ZNF487: variants seen among roughly 807,000 people sequenced by gnomAD.
The protein encoded by ZNF487 is zinc finger protein 487, also known as KRAB domain only 1.
ZNF487 carries 4 observed loss-of-function variants against 3.0 expected under a neutral mutation model. The observed-to-expected ratio is 1.35, with a 90% CI of 0.66 to 3.08. The LOEUF (loss-of-function observed/expected upper bound fraction) is 3.08, where lower values mean the gene tolerates loss of function less well. ZNF487 is among the 30% of genes most tolerant of loss of function. The pLI is 0.01. For missense variants in ZNF487, 146 were observed against 98.7 expected (o/e 1.48, Z -2.03); for synonymous variants, 55 against 34.6 (o/e 1.59, Z -2.06).
intron 1 of ZNF487, among the ~76,000 whole-genome samples, chr10:43,449,515 G>C (rs1839933273): frequency 6.6e-6 from 1 of 152,034 alleles, no homozygotes; most frequent in South Asian, 2.1e-4. Context: ...AAGTAACCAA[G>C]GAAGAGTTAA....
the ZNF487 span, among the ~76,000 whole-genome samples, chr10:43,503,751 C>G: frequency 6.6e-6 from 1 of 152,110 alleles, no homozygotes; most frequent in Non-Finnish European, 1.5e-5. Context: ...GACTACAAGG[C>G]ATGCACCACC....
intron 1 of ZNF487, among the ~76,000 whole-genome samples, chr10:43,447,735 C>T (rs1026690164): frequency 3.9e-5 from 6 of 152,178 alleles, no homozygotes; most frequent in Non-Finnish European, 7.3e-5. Context: ...CTGGGGTTTT[C>T]TCTCCATGCA....
intron 3 of ZNF487, among the ~76,000 whole-genome samples, chr10:43,480,044 TTTTTC>T (rs1175781644): frequency 8.0e-5 from 2 of 24,940 alleles, no homozygotes; most frequent in African/African-American, 1.3e-4. Context: ...TCTTTCTTTC[TTTTTC>T]TTTCTTTCTT....
At chr10:43,517,700 A>G in the ZNF487 span, among the ~76,000 whole-genome samples, 1 of 152,198 alleles carries the variant, frequency 6.6e-6, no homozygotes, top group Admixed American at 6.5e-5. Context: ...TCACAGAAGC[A>G]GGGCGCTGCA....
chr10:43,437,805 C>T (rs1200743906), intron 1 of ZNF487, among the ~76,000 whole-genome samples: 1 of 151,748 alleles, frequency 6.6e-6, no homozygotes, highest in Non-Finnish European at 1.5e-5. Flanking sequence ...CTGTGTTCTT[C>T]CTTCATTAGC....
chr10:43,492,681 C>T, the ZNF487 span, among the ~76,000 whole-genome samples: 2 of 152,258 alleles, frequency 1.3e-5, no homozygotes, highest in Non-Finnish European at 2.9e-5. Flanking sequence ...TTTCGATTTC[C>T]TGACCTCGTG....
At chr10:43,472,575 G>C (rs910018715) in intron 1 of ZNF487, among the ~76,000 whole-genome samples, 1 of 152,142 alleles carries the variant, frequency 6.6e-6, no homozygotes, top group Non-Finnish European at 1.5e-5. Context: ...GGAAGAGTCA[G>C]GTTGCTAAGC....
At chr10:43,501,289 A>T in the ZNF487 span, among the ~76,000 whole-genome samples, 2 of 152,206 alleles carry the variant, frequency 1.3e-5, no homozygotes, top group Non-Finnish European at 2.9e-5. Flanking sequence ...TGCATGAGTC[A>T]GTGGGTGAGT....
At chr10:43,448,038 G>A (rs1244913689) in intron 1 of ZNF487, among the ~76,000 whole-genome samples, 1 of 129,688 alleles carries the variant, frequency 7.7e-6, no homozygotes, top group African/African-American at 2.9e-5. Flanking sequence ...CGCCCAGGCT[G>A]GAGTGCAGTG....
chr10:43,466,280 G>A (rs1363585619), intron 1 of ZNF487, among the ~76,000 whole-genome samples: 1 of 152,012 alleles, frequency 6.6e-6, no homozygotes. Flanking sequence ...CTGATCTCAG[G>A]TGATCTACCC....
At chr10:43,457,596 C>G (rs1443876239) in intron 1 of ZNF487, among the ~76,000 whole-genome samples, 1 of 148,158 alleles carries the variant, frequency 6.7e-6, no homozygotes, top group Non-Finnish European at 1.5e-5. Context: ...AAGAATTCCT[C>G]ATGAGATCGC....
the ZNF487 span, among the ~76,000 whole-genome samples, chr10:43,497,696 G>A: frequency 7.8e-4 from 118 of 152,152 alleles, no homozygotes; most frequent in African/African-American, 2.8e-3. Flanking sequence ...GGCTGGGCGC[G>A]GTGGCTCACG....
At chr10:43,519,218 ACT>A in the ZNF487 span, among the ~76,000 whole-genome samples, 17 of 151,420 alleles carry the variant, frequency 1.1e-4, no homozygotes, top group South Asian at 3.1e-3. Context: ...ACATTATCAC[ACT>A]CTTACTGTTG....
chr10:43,459,921 C>A (rs994047453), intron 1 of ZNF487, among the ~76,000 whole-genome samples: 1 of 151,652 alleles, frequency 6.6e-6, no homozygotes, highest in Non-Finnish European at 1.5e-5. Context: ...CCTGCCTCAG[C>A]CTCCCGAGTA....
chr10:43,482,538 C>A lies in ZNF487; in HGVS notation c.*616C>A. Reference sequence around the variant, plus strand: ...AAAAAACTTCTGTGAGAAGTCAAATCTTCATGTACATCAGAGAACACACAC... The same window carrying A: ...AAAAAACTTCTGTGAGAAGTCAAATATTCATGTACATCAGAGAACACACAC... On this transcript the variant is annotated 3_prime_UTR_variant, in exon 4 of 4. Transcript: ENST00000437590. The A allele has an allele frequency of 2.0e-6, 1 of 500,126 alleles. No homozygotes were observed. Among genetic ancestry groups the A allele is most frequent in the East Asian group, 5.8e-5 (1 of 17,106 alleles). 31.0% of individuals were successfully genotyped at this position (500,126 alleles called of 1,614,324 possible).
At position 43,482,886 on chromosome 10, in the gene ZNF487, C is replaced by T; in HGVS notation, c.*964C>T. 1 of 532,902 alleles carries T rather than the reference C, an allele frequency of 1.9e-6. No homozygotes were observed. The highest frequency in any genetic ancestry group is 3.9e-6 in the Non-Finnish European group (1 of 259,414). 33.0% of individuals were successfully genotyped at this position (532,902 alleles called of 1,614,324 possible). A position where few individuals can be genotyped will look rare whatever the true frequency, so the allele number is the denominator to read the frequency against. On this transcript the variant is annotated 3_prime_UTR_variant, in exon 4 of 4. Coordinates refer to ENST00000437590, the MANE Select transcript of ZNF487 (RefSeq NM_001355444.3). ...CCACAAGTCATCCCTCACAGTACAT[C>T]AGAGAACCCACACAGGAGAGAAACC...
intron 1 of ZNF487, among the ~76,000 whole-genome samples, chr10:43,444,004 C>T (rs969135776): frequency 7.2e-5 from 11 of 151,828 alleles, no homozygotes; most frequent in African/African-American, 2.4e-4. Flanking sequence ...AGGTGTGCAC[C>T]ACCACACCTG....
chr10:43,437,005 C>A (rs1042630968), upstream of ZNF487: 9 of 394,584 alleles, frequency 2.3e-5, no homozygotes, highest in East Asian at 1.0e-3. Flanking sequence ...TAGGGCCGAG[C>A]CCCCGCTAGG....
intron 1 of ZNF487, among the ~76,000 whole-genome samples, chr10:43,446,320 A>G (rs183775658): frequency 0.028 from 4,183 of 150,996 alleles, 89 homozygotes; most frequent in Non-Finnish European, 0.04. Flanking sequence ...CCCACCTCCC[A>G]GACGGGGTGG....
Sources: allele counts gnomAD v4.1 joint callset (sites outside exome capture counted in the v4.1 genomes callset), GRCh38; gene constraint gnomAD v4.1.1; transcripts MANE v1.5; gene names NCBI Gene and HGNC (gene_info 2026-07-23, HGNC 2026-07-21).